Variants in KIAA1549L observed in about 807,000 individuals in gnomAD.
KIAA1549L encodes UPF0606 protein KIAA1549L.
Under a neutral mutation model 160.7 loss-of-function variants are expected in KIAA1549L, and 88 were observed. The observed-to-expected ratio is 0.55, with a 90% CI of 0.46 to 0.65. The LOEUF (loss-of-function observed/expected upper bound fraction) is 0.65, where lower values mean the gene tolerates loss of function less well. Among genes scored for constraint, KIAA1549L ranks in the 30% least tolerant of loss-of-function variants. The pLI, the probability that KIAA1549L is intolerant of heterozygous loss-of-function variation, is 0.00. For missense variants in KIAA1549L, 2,258 were observed against 2,437.5 expected (o/e 0.93, Z 1.55); for synonymous variants, 950 against 976.7 (o/e 0.97, Z 0.51).
Position 33,658,840 on chromosome 11 carries a change from G to A in KIAA1549L, c.5949G>A (p.Gln1983=), listed in dbSNP as rs967463989. ...TGCACGACAGCGCCTCCTTCACGCA[G>A]ATGTCCAGAGGCCCTGTGTCCGTGA... The part of the protein sequence containing the change: ...AQLHDSASFT[Q]MSRGPVSVTQ... Residue 1983 remains glutamine, a synonymous_variant, in exon 19 of 21, where the codon CAG becomes CAA. Coordinates refer to ENST00000658780, the MANE Select transcript of KIAA1549L (RefSeq NM_012194.3). 2.6e-6 allele frequency: 4 copies of A among 1,563,566 alleles called. No individual in the cohort carries two copies. The highest frequency in any genetic ancestry group is 1.2e-5 in the South Asian group (1 of 84,502).
At chr11:33,617,957 G>A (rs1322261271) in intron 15 of KIAA1549L, among the ~76,000 whole-genome samples, 1 of 152,158 alleles carries the variant, frequency 6.6e-6, no homozygotes, top group Non-Finnish European at 1.5e-5. Flanking sequence ...GTGGGTGGAT[G>A]TGAGGGTGGA....
intron 1 of KIAA1549L, among the ~76,000 whole-genome samples, chr11:33,446,750 CA>C (rs1435465626): frequency 6.6e-6 from 1 of 152,124 alleles, no homozygotes; most frequent in Non-Finnish European, 1.5e-5. Flanking sequence ...TTCTTTTCCA[CA>C]TGGGCGTCTT....
intron 1 of KIAA1549L, among the ~76,000 whole-genome samples, chr11:33,414,590 G>A (rs772914215): frequency 1.3e-5 from 2 of 152,162 alleles, no homozygotes; most frequent in African/African-American, 2.4e-5. Context: ...ATTATCTTCC[G>A]TTAAGTATAT....
At chr11:33,435,328 G>A (rs921685168) in intron 1 of KIAA1549L, among the ~76,000 whole-genome samples, 1 of 152,098 alleles carries the variant, frequency 6.6e-6, no homozygotes, top group African/African-American at 2.4e-5. Context: ...CACCTGAAGA[G>A]GCATGGAATG....
At chr11:33,435,816 G>GTGTGTGTGTATATATATATATATA (rs1554976827) in intron 1 of KIAA1549L, among the ~76,000 whole-genome samples, 1 of 39,566 alleles carries the variant, frequency 2.5e-5, no homozygotes, top group South Asian at 9.2e-4. Context: ...ATATATGTGT[G>GTGTGTGTGTATATATATATATATA]TGTATATATA....
intron 16 of KIAA1549L, among the ~76,000 whole-genome samples, chr11:33,630,537 G>A (rs999641919): frequency 4.6e-5 from 7 of 152,244 alleles, no homozygotes; most frequent in South Asian, 2.1e-4. Flanking sequence ...GGAGTGACCC[G>A]ATTTTCCAGG....
intron 20 of KIAA1549L, 62 bp downstream of exon 20, chr11:33,661,076 T>C (rs1394193450): frequency 2.0e-6 from 3 of 1,482,818 alleles, no homozygotes; most frequent in Admixed American, 2.1e-5. Flanking sequence ...AAAAAGTAAA[T>C]TAGATAAAAG....
chr11:33,641,137 A>G (rs1397438472), intron 16 of KIAA1549L, among the ~76,000 whole-genome samples: 1 of 152,230 alleles, frequency 6.6e-6, no homozygotes, highest in African/African-American at 2.4e-5. Context: ...CGAGAGACTG[A>G]GTGAGGAAAC....
chr11:33,668,209 G>T lies in KIAA1549L; in HGVS notation c.*55G>T, dbSNP rs1370276374. On this transcript the variant is annotated 3_prime_UTR_variant, in exon 21 of 21. Coordinates refer to ENST00000658780, the MANE Select transcript of KIAA1549L (RefSeq NM_012194.3). Reference sequence around the variant, plus strand: ...CAAACTCTGAGGACTCAGCCTTTGGGTTTCCCATGCCTACGTGTTAGGACT... The same window carrying T: ...CAAACTCTGAGGACTCAGCCTTTGGTTTTCCCATGCCTACGTGTTAGGACT... The T allele has an allele frequency of 2.0e-6, 3 of 1,533,290 alleles. No homozygotes were observed. Among genetic ancestry groups the T allele is most frequent in the Admixed American group, 1.9e-5 (1 of 53,942 alleles). 95.0% of individuals were successfully genotyped at this position (1,533,290 alleles called of 1,614,324 possible). A position where few individuals can be genotyped will look rare whatever the true frequency, so the allele number is the denominator to read the frequency against.
At chr11:33,499,468 A>G (rs1368406995) in intron 1 of KIAA1549L, among the ~76,000 whole-genome samples, 1 of 152,206 alleles carries the variant, frequency 6.6e-6, no homozygotes, top group Non-Finnish European at 1.5e-5. Flanking sequence ...TAGGGTATGT[A>G]TCTGTCCCAG....
chr11:33,627,339 T>C (rs1422940676), intron 16 of KIAA1549L, among the ~76,000 whole-genome samples: 2 of 150,082 alleles, frequency 1.3e-5, no homozygotes, highest in African/African-American at 4.9e-5. Flanking sequence ...ATGGTACCAG[T>C]TCCTCCTTGT....
intron 1 of KIAA1549L, among the ~76,000 whole-genome samples, chr11:33,384,189 T>G (rs200683515): frequency 6.6e-6 from 1 of 152,360 alleles, no homozygotes; most frequent in East Asian, 1.9e-4. Context: ...ATCCCTGTAG[T>G]TTTGCCTTTC....
intron 16 of KIAA1549L, among the ~76,000 whole-genome samples, chr11:33,629,060 G>A (rs1851201012): frequency 6.6e-6 from 1 of 151,832 alleles, no homozygotes; most frequent in Non-Finnish European, 1.5e-5. Flanking sequence ...AGTTTGGCTG[G>A]ATATGAAATT....
At chr11:33,470,110 T>A in intron 1 of KIAA1549L, among the ~76,000 whole-genome samples, 1 of 152,224 alleles carries the variant, frequency 6.6e-6, no homozygotes, top group East Asian at 1.9e-4. Context: ...TCATGAGAAT[T>A]TACTCCTATG....
At chr11:33,587,186 C>CT (rs762483560) in intron 11 of KIAA1549L, among the ~76,000 whole-genome samples, 4 of 152,114 alleles carry the variant, frequency 2.6e-5, no homozygotes, top group Non-Finnish European at 4.4e-5. Flanking sequence ...GTTACCCATG[C>CT]TTTTTTTCTT....
At chr11:33,641,354 A>G (rs1851574236) in intron 16 of KIAA1549L, among the ~76,000 whole-genome samples, 1 of 152,108 alleles carries the variant, frequency 6.6e-6, no homozygotes, top group South Asian at 2.1e-4. Context: ...TAACAGCAAC[A>G]ATAATAATTG....
intron 1 of KIAA1549L, among the ~76,000 whole-genome samples, chr11:33,398,989 G>A (rs1850443997): frequency 6.8e-6 from 1 of 146,428 alleles, no homozygotes; most frequent in Non-Finnish European, 1.5e-5. Context: ...GTCTTGCTCT[G>A]TCACCCAGGC....
intron 1 of KIAA1549L, among the ~76,000 whole-genome samples, chr11:33,525,193 A>T (rs1242891733): frequency 2.0e-5 from 3 of 152,186 alleles, no homozygotes; most frequent in African/African-American, 7.2e-5. Flanking sequence ...GAGTCTTTGA[A>T]AGAAGTGGCT....
intron 1 of KIAA1549L, among the ~76,000 whole-genome samples, chr11:33,518,711 A>G (rs921335182): frequency 6.6e-6 from 1 of 152,350 alleles, no homozygotes; most frequent in South Asian, 2.1e-4. Context: ...AAAATGTTCT[A>G]AAGTTGCCAT....
Sources: gnomAD v4.1 joint callset for allele counts (sites outside exome capture counted in the v4.1 genomes callset) on GRCh38, gnomAD v4.1.1 for gene constraint, MANE v1.5 for transcripts, NCBI Gene and HGNC (gene_info 2026-07-23, HGNC 2026-07-21) for gene names.